Variants in KITLG observed in about 807,000 individuals in gnomAD.
The protein encoded by KITLG is KIT ligand, also known as c-Kit ligand.
In KITLG, 13 loss-of-function variants were observed where a neutral mutation model predicts 34.1. The observed-to-expected ratio is 0.38, with a 90% CI of 0.25 to 0.61. The LOEUF (loss-of-function observed/expected upper bound fraction) is 0.61. KITLG is among the 20% of genes least tolerant of loss of function. The pLI is 0.60. For synonymous variants in KITLG, 110 were observed against 104.0 expected (o/e 1.06, Z -0.35); for missense variants, 292 against 318.9 (o/e 0.92, Z 0.64).
At chr12:88,556,022 T>C (rs1466621866) in intron 1 of KITLG, among the ~76,000 whole-genome samples, 1 of 151,550 alleles carries the variant, frequency 6.6e-6, no homozygotes, top group Non-Finnish European at 1.5e-5. Context: ...GACAGGGGCA[T>C]TTGAGGGAGG....
intron 2 of KITLG, among the ~76,000 whole-genome samples, chr12:88,534,999 C>T (rs1290138292): frequency 1.3e-5 from 2 of 152,004 alleles, no homozygotes; most frequent in East Asian, 3.9e-4. Context: ...CAAGAAGTGG[C>T]AGGTATTCTG....
At chr12:88,572,353 T>C (rs1355286190) in intron 1 of KITLG, among the ~76,000 whole-genome samples, 1 of 151,798 alleles carries the variant, frequency 6.6e-6, no homozygotes, top group Non-Finnish European at 1.5e-5. Context: ...GCTACAGTCA[T>C]ATGTGTATCT....
At position 88,493,413 on chromosome 12, in the gene KITLG, T is replaced by C. The variant is rs1182709682; in HGVS notation, c.*3806A>G. 2 of 152,272 alleles carry C rather than the reference T, an allele frequency of 1.3e-5. No individual in the cohort carries two copies. The highest frequency in any genetic ancestry group is 2.9e-5 in the Non-Finnish European group (2 of 67,856). The allele number at this position is 152,272 out of a possible 1,614,324, so 9.4% of individuals were successfully genotyped here. A position where few individuals can be genotyped will look rare whatever the true frequency, so the allele number is the denominator to read the frequency against. Reference sequence around the variant, plus strand: ...TAAAATGAAAGTACCATTATTTTATTTTTACAAACAAAGGCATTTCAAGAC... The same window carrying C: ...TAAAATGAAAGTACCATTATTTTATCTTTACAAACAAAGGCATTTCAAGAC... On this transcript the variant is annotated 3_prime_UTR_variant, in exon 10 of 10. Transcript: ENST00000644744.
At chr12:88,545,475 G>A (rs998670058) in intron 2 of KITLG, among the ~76,000 whole-genome samples, 1 of 152,186 alleles carries the variant, frequency 6.6e-6, no homozygotes, top group East Asian at 1.9e-4. Flanking sequence ...AACTCTCCAA[G>A]GTCCTTCACT....
At chr12:88,516,275 C>T in intron 5 of KITLG, 59 bp downstream of exon 5, 1 of 1,430,664 alleles carries the variant, frequency 7.0e-7, no homozygotes, top group Admixed American at 1.7e-5. Context: ...ATTCTTACTA[C>T]ATAGGGAAGA....
intron 1 of KITLG, among the ~76,000 whole-genome samples, chr12:88,551,823 A>G (rs145175803): frequency 2.6e-5 from 4 of 152,316 alleles, no homozygotes; most frequent in African/African-American, 9.6e-5. Flanking sequence ...TGGACTTTCC[A>G]GACATGATTA....
At chr12:88,573,194 T>G (rs1871713387) in intron 1 of KITLG, among the ~76,000 whole-genome samples, 1 of 152,150 alleles carries the variant, frequency 6.6e-6, no homozygotes, top group African/African-American at 2.4e-5. Flanking sequence ...CCATCTAGAG[T>G]TCTGCAGTGA....
intron 2 of KITLG, among the ~76,000 whole-genome samples, chr12:88,539,906 T>C (rs1870462378): frequency 6.6e-6 from 1 of 152,026 alleles, no homozygotes; most frequent in African/African-American, 2.4e-5. Context: ...GACTGGGTGA[T>C]AGACACCCTG....
chr12:88,556,955 T>C (rs925111146), intron 1 of KITLG, among the ~76,000 whole-genome samples: 13 of 152,052 alleles, frequency 8.5e-5, no homozygotes, highest in Admixed American at 2.0e-4. Flanking sequence ...TGCCATTGAG[T>C]TGATGGAACT....
rs1179128734 is a variant in KITLG, at chr12:88,495,008, T to A, written c.*2211A>T. 6.6e-6 allele frequency: 1 copy of A among 152,074 alleles called. No homozygotes were observed. The highest frequency in any genetic ancestry group is 6.6e-5 in the Admixed American group (1 of 15,234). The allele number at this position is 152,074 out of a possible 1,614,324, so 9.4% of individuals were successfully genotyped here. On this transcript the variant is annotated 3_prime_UTR_variant, in exon 10 of 10. Coordinates refer to ENST00000644744, the MANE Select transcript of KITLG (RefSeq NM_000899.5). ...TGCATTTTATTCAACTTTAGTGTTT[T>A]AAAAATTGGCAATCCATGTAACTTT...
chr12:88,497,364 AT>A (rs1187780654), intron 9 of KITLG, among the ~76,000 whole-genome samples, 183 bp from the exon 10 acceptor site: 1 of 152,188 alleles, frequency 6.6e-6, no homozygotes, highest in African/African-American at 2.4e-5. Flanking sequence ...GTCATTTTCT[AT>A]GATCTCCTTG....
chr12:88,567,219 C>T (rs1403231598), intron 1 of KITLG, among the ~76,000 whole-genome samples: 3 of 152,042 alleles, frequency 2.0e-5, no homozygotes, highest in Non-Finnish European at 2.9e-5. Flanking sequence ...TGTGTTAGAT[C>T]CCACTCTGAA....
chr12:88,523,086 T>C (rs2120856994), intron 3 of KITLG, among the ~76,000 whole-genome samples: 1 of 152,342 alleles, frequency 6.6e-6, no homozygotes, highest in South Asian at 2.1e-4. Flanking sequence ...TTTACTTTCT[T>C]TAATTCGTGT....
At chr12:88,578,290 G>A (rs1448459916) in intron 1 of KITLG, among the ~76,000 whole-genome samples, 1 of 152,046 alleles carries the variant, frequency 6.6e-6, no homozygotes, top group African/African-American at 2.4e-5. Context: ...TAGATCCTAG[G>A]CAATGAATGC....
At chr12:88,513,841 T>G (rs1461147842) in intron 6 of KITLG, among the ~76,000 whole-genome samples, 4 of 151,630 alleles carry the variant, frequency 2.6e-5, no homozygotes, top group Non-Finnish European at 5.9e-5. Flanking sequence ...TTCCCTTTTC[T>G]CAATAATTAA....
intron 1 of KITLG, among the ~76,000 whole-genome samples, chr12:88,573,518 C>G (rs1458030606): frequency 6.6e-6 from 1 of 152,092 alleles, no homozygotes; most frequent in Non-Finnish European, 1.5e-5. Flanking sequence ...TAATGAGATG[C>G]AATTCAGCCC....
At chr12:88,578,912 C>A (rs1353080411) in intron 1 of KITLG, among the ~76,000 whole-genome samples, 1 of 152,208 alleles carries the variant, frequency 6.6e-6, no homozygotes, top group Non-Finnish European at 1.5e-5. Context: ...TTAACATTTG[C>A]ATTTCGACAG....
At position 88,580,417 on chromosome 12, in the gene KITLG, A is replaced by G. The variant is rs1871978889; in HGVS notation, c.-139T>C. 4.0e-6 allele frequency: 4 copies of G among 1,003,852 alleles called. No individual in the cohort carries two copies. Among genetic ancestry groups the G allele is most frequent in the African/African-American group, 1.6e-5 (1 of 62,448 alleles). The allele number at this position is 1,003,852 out of a possible 1,614,324, so 62.2% of individuals were successfully genotyped here. On this transcript the variant is annotated 5_prime_UTR_variant, in exon 1 of 10. Coordinates refer to ENST00000644744, the MANE Select transcript of KITLG (RefSeq NM_000899.5). ...GTAGCCCGAGCGCAGCGCCCTCTCC[A>G]CTGTCCCTGCTTCCCGCAGCGCTTC...
In KITLG at chr12:88,540,372, C is replaced by T. The variant is rs1038694721; in HGVS notation, c.129+5380G>A. Among the ~76,000 whole-genome samples the T allele has an allele frequency of 2.0e-5, 3 of 152,080 alleles. No homozygotes were observed. In the East Asian group the frequency reaches 5.8e-4, roughly 29 times the overall value. On this transcript the variant is annotated intron_variant, in intron 2 of 9. Transcript: ENST00000644744. ...TGATGATAATCAGATTACTAAATAC[C>T]ACTAGATCTCAGCTTTCTAACCAAT...
Sources: allele counts gnomAD v4.1 joint callset (sites outside exome capture counted in the v4.1 genomes callset), GRCh38; gene constraint gnomAD v4.1.1; transcripts MANE v1.5; gene names NCBI Gene and HGNC (gene_info 2026-07-23, HGNC 2026-07-21).